The following ACTL6B variants were observed in gnomAD, a reference collection of about 807,000 sequenced individuals.
ACTL6B encodes the protein actin-like protein 6B.
ACTL6B carries 48 observed loss-of-function variants against 63.3 expected under a neutral mutation model. The ratio of observed to expected loss-of-function variants is 0.76; its 90% CI spans 0.60 to 0.96. ACTL6B has a LOEUF of 0.96. Ranked by LOEUF, ACTL6B falls within the 50% of genes least tolerant of loss-of-function variation. The pLI, the probability that ACTL6B is intolerant of heterozygous loss-of-function variation, is 0.00. For synonymous variants in ACTL6B, 230 were observed against 223.8 expected, an observed-to-expected ratio of 1.03 and a Z score of -0.25; for missense variants, 350 against 572.2, an observed-to-expected ratio of 0.61 and a Z score of 3.96.
Position 100,647,336 on chromosome 7 carries a change from C to G in ACTL6B, c.760-52G>C. ...GCCTGCCTTCCCCGTGAGCAGCACC[C>G]CCTGCCCCGCTCCCCCTCCCTGCTC... On this transcript the variant is annotated intron_variant, in intron 8 of 13. Coordinates refer to ENST00000160382, the MANE Select transcript of ACTL6B (RefSeq NM_016188.5). This position sits in a 1 kb window ranked among gnomAD's most constrained non-coding sequence, Gnocchi z 4.4. 6.2e-7 allele frequency: 1 copy of G among 1,606,298 alleles called. No individual in the cohort carries two copies. The highest frequency in any genetic ancestry group is 8.5e-7 in the Non-Finnish European group (1 of 1,174,772).
At position 100,648,718 on chromosome 7, in the gene ACTL6B, C is replaced by T. The variant is rs367650090; in HGVS notation, c.562+11G>A. 8.7e-6 allele frequency: 14 copies of T among 1,613,800 alleles called. No individual in the cohort carries two copies. Among genetic ancestry groups the T allele is most frequent in the African/African-American group, 8.0e-5 (6 of 74,918 alleles). ...CTCCTGGAGCACCCCCACCCCCTGCCGAAGCCCCACCTTGCTGCAGAACGT... is the reference window on the plus strand; with the variant it reads ...CTCCTGGAGCACCCCCACCCCCTGCTGAAGCCCCACCTTGCTGCAGAACGT... On this transcript the variant is annotated intron_variant, in intron 6 of 13. Coordinates refer to ENST00000160382, the MANE Select transcript of ACTL6B (RefSeq NM_016188.5). The surrounding 1 kb of genome is among the most constrained non-coding windows in gnomAD (Gnocchi z 4.4).
chr7:100,647,491 C>A lies in ACTL6B; in HGVS notation c.712G>T (p.Glu238Ter). The A allele has an allele frequency of 6.2e-7, 1 of 1,611,020 alleles. No individual in the cohort carries two copies. Residue 238 changes from glutamate (E) to a stop codon, truncating the protein, a stop_gained, in exon 8 of 14, where the codon GAG becomes TAG. Coordinates refer to ENST00000160382, the MANE Select transcript of ACTL6B (RefSeq NM_016188.5). LOFTEE classifies it high-confidence loss of function. The surrounding 1 kb of genome is among the most constrained non-coding windows in gnomAD (Gnocchi z 4.4). ...EGAPPNWKKKEKLPQVSKSWH... is the reference protein window; with the variant it reads ...EGAPPNWKKK ...GACTTGGAGACCTGGGGTAGCTTCT[C>A]CTTCTTCTTCCAGTTTGGGGGGGCA...
rs941322868 is a variant in ACTL6B at position 100,643,472 on chromosome 7, C to G, written c.1201-146G>C. The G allele has an allele frequency of 3.2e-5, 22 of 686,016 alleles. No individual in the cohort carries two copies. In the South Asian group the frequency reaches 3.8e-4, roughly 12 times the overall value. The allele number at this position is 686,016 out of a possible 1,614,324, so 42.5% of individuals were successfully genotyped here. On this transcript the variant is annotated intron_variant, in intron 13 of 13. Coordinates refer to ENST00000160382, the MANE Select transcript of ACTL6B (RefSeq NM_016188.5). ...AAGCCCCTCCCCACCTCATCCTCCC[C>G]TCCTCGGTCTGTCCCCTTTCATATT...
chr7:100,651,063 G>T (rs1325617486), intron 4 of ACTL6B, among the ~76,000 whole-genome samples: 1 of 152,070 alleles, frequency 6.6e-6, no homozygotes, highest in East Asian at 1.9e-4. Flanking sequence ...TACATCAGAG[G>T]ATCAGAAATC....
At chr7:100,653,745 C>T (rs996146608) in intron 4 of ACTL6B, among the ~76,000 whole-genome samples, 17 of 152,124 alleles carry the variant, frequency 1.1e-4, no homozygotes, top group African/African-American at 3.9e-4. Flanking sequence ...ATAAGAAATA[C>T]GTGTGGCATA....
At chr7:100,650,324 A>G (rs752333771) in intron 4 of ACTL6B, among the ~76,000 whole-genome samples, 189 bp from the exon 5 acceptor site, 5 of 148,144 alleles carry the variant, frequency 3.4e-5, no homozygotes, top group South Asian at 2.1e-4. Flanking sequence ...ATTCACTTGC[A>G]CACACACACA....
rs199610335 is a variant in ACTL6B at position 100,648,565 on chromosome 7, G to A, written c.660C>T (p.Ile220=). 1.8e-4 allele frequency: 283 copies of A among 1,605,290 alleles called. No homozygotes were observed. Among genetic ancestry groups the A allele is most frequent in the Non-Finnish European group, 2.2e-4 (260 of 1,175,068 alleles). The change falls in exon 7 of 14, where the codon ATC becomes ATT. Residue 220 remains isoleucine, a synonymous_variant. Transcript: ENST00000160382. The surrounding 1 kb of genome is among the most constrained non-coding windows in gnomAD (Gnocchi z 4.4). ...MAIDIIPPYM[I]AAKEPVREGA... Reference sequence around the variant, plus strand: ...TCCCCAGAGGCCCCACCTTGGCTGCGATCATGTAAGGTGGGATGATGTCAA... The same window carrying A: ...TCCCCAGAGGCCCCACCTTGGCTGCAATCATGTAAGGTGGGATGATGTCAA...
chr7:100,650,694 G>A (rs1803925980), intron 4 of ACTL6B, among the ~76,000 whole-genome samples: 1 of 151,906 alleles, frequency 6.6e-6, no homozygotes, highest in South Asian at 2.1e-4. Context: ...TTTAAAGTAA[G>A]GAGCTTGTGG....
intron 4 of ACTL6B, among the ~76,000 whole-genome samples, chr7:100,654,361 C>T (rs1803997764): frequency 6.6e-6 from 1 of 150,986 alleles, no homozygotes; most frequent in African/African-American, 2.4e-5. Context: ...TCAAGTGATC[C>T]TCCTGCCTTG....
At chr7:100,652,482 A>T (rs1584470441) in intron 4 of ACTL6B, among the ~76,000 whole-genome samples, 2 of 150,032 alleles carry the variant, frequency 1.3e-5, no homozygotes, top group African/African-American at 4.9e-5. Context: ...CTGTAGTCCC[A>T]GCTACTCGGG....
chr7:100,643,205 TC>T lies in ACTL6B; in HGVS notation c.*40del. On this transcript the variant is annotated 3_prime_UTR_variant, in exon 14 of 14. Coordinates refer to ENST00000160382, the MANE Select transcript of ACTL6B (RefSeq NM_016188.5). Reference sequence around the variant, plus strand: ...AATGTGGCATGGGGGTTAAGGGACTTCCATCTGAGCTTGGGAGCAGGTGTGT... The same window carrying T: ...AATGTGGCATGGGGGTTAAGGGACTTCATCTGAGCTTGGGAGCAGGTGTGT... 1.3e-6 allele frequency: 2 copies of T among 1,599,792 alleles called. No homozygotes were observed. Among genetic ancestry groups the T allele is most frequent in the African/African-American group, 2.7e-5 (2 of 74,770 alleles).
chr7:100,644,114 G>A (rs879372084), intron 13 of ACTL6B, among the ~76,000 whole-genome samples: 51 of 152,238 alleles, frequency 3.4e-4, no homozygotes, highest in Non-Finnish European at 6.9e-4. Flanking sequence ...TGGCCAAGCT[G>A]GTCTCAAACT....
Position 100,647,201 on chromosome 7 carries a change from C to T in ACTL6B, c.821+22G>A, listed in dbSNP as rs1412042115. ...GCCGGTTCTGCCCTCTCTCCCACCC[C>T]AAAGCCCTGAGCCACACTCACTGTT... On this transcript the variant is annotated intron_variant, in intron 9 of 13. Transcript: ENST00000160382. The surrounding 1 kb of genome is among the most constrained non-coding windows in gnomAD (Gnocchi z 4.4). The T allele has an allele frequency of 1.2e-6, 2 of 1,613,446 alleles. No homozygotes were observed. The highest frequency in any genetic ancestry group is 2.7e-5 in the African/African-American group (2 of 74,886).
In ACTL6B at chr7:100,655,735, G is replaced by C. The variant is rs776774329; in HGVS notation, c.102+68C>G. The C allele has an allele frequency of 7.6e-5, 117 of 1,531,534 alleles. No individual in the cohort carries two copies. The highest frequency in any genetic ancestry group is 1.0e-4 in the Non-Finnish European group (115 of 1,135,068). The allele number at this position is 1,531,534 out of a possible 1,614,324, so 94.9% of individuals were successfully genotyped here. On this transcript the variant is annotated intron_variant, in intron 2 of 13. Transcript: ENST00000160382. The surrounding 1 kb of genome is among the most constrained non-coding windows in gnomAD (Gnocchi z 4.4). ...CTTCTGGGCGATCTGGGAGAGCCCT[G>C]GGTCACTGGAAAGCCTGAAGAAGGG...
intron 4 of ACTL6B, among the ~76,000 whole-genome samples, chr7:100,653,041 A>T (rs1399987356): frequency 7.7e-6 from 1 of 130,180 alleles, no homozygotes; most frequent in African/African-American, 2.9e-5. Context: ...AAAAAAAAAA[A>T]ATTGAACACA....
At position 100,647,204 on chromosome 7, in the gene ACTL6B, A is replaced by T; in HGVS notation, c.821+19T>A. 4.3e-6 allele frequency: 7 copies of T among 1,613,090 alleles called. No homozygotes were observed. Among genetic ancestry groups the T allele is most frequent in the Non-Finnish European group, 5.1e-6 (6 of 1,179,692 alleles). On this transcript the variant is annotated intron_variant, in intron 9 of 13. Transcript: ENST00000160382. This position sits in a 1 kb window ranked among gnomAD's most constrained non-coding sequence, Gnocchi z 4.4. ...GGTTCTGCCCTCTCTCCCACCCCAA[A>T]GCCCTGAGCCACACTCACTGTTCAT...
rs780066798 is a variant in ACTL6B at position 100,647,513 on chromosome 7, G to C, written c.690C>G (p.Ala230=). 6.2e-7 allele frequency: 1 copy of C among 1,606,810 alleles called. No individual in the cohort carries two copies. The highest frequency in any genetic ancestry group is 8.5e-7 in the Non-Finnish European group (1 of 1,176,322). The change falls in exon 8 of 14, where the codon GCC becomes GCG. Residue 230 remains alanine, a synonymous_variant. Transcript: ENST00000160382. The surrounding 1 kb of genome is among the most constrained non-coding windows in gnomAD (Gnocchi z 4.4). ...IAAKEPVREG[A]PPNWKKKEKL... The stretch of plus-strand genomic sequence containing the variant: ...TCTCCTTCTTCTTCCAGTTTGGGGG[G>C]GCACCCTCCCGGACAGGCTCCTGTG...
intron 4 of ACTL6B, among the ~76,000 whole-genome samples, chr7:100,653,001 A>T (rs977982848): frequency 1.2e-3 from 33 of 27,928 alleles, no homozygotes; most frequent in Admixed American, 6.8e-3. Flanking sequence ...CTCCGTCTCA[A>T]AAAAAAAAAA....
intron 1 of ACTL6B, 146 bp downstream of exon 1, chr7:100,656,184 G>C: frequency 9.9e-7 from 1 of 1,013,494 alleles, no homozygotes; most frequent in Non-Finnish European, 1.3e-6. Flanking sequence ...GGGGAGGACC[G>C]AGCGCAGGGG....
Sources: allele counts gnomAD v4.1 joint callset (sites outside exome capture counted in the v4.1 genomes callset), GRCh38; gene constraint gnomAD v4.1.1; non-coding constraint Gnocchi (gnomAD v3.1); transcripts MANE v1.5; gene names NCBI Gene and HGNC (gene_info 2026-07-23, HGNC 2026-07-21).